FAM171A1: variants seen among roughly 807,000 people sequenced by gnomAD.
FAM171A1 encodes family with sequence similarity 171 member A1.
FAM171A1 carries 23 observed loss-of-function variants against 74.9 expected under a neutral mutation model. That is an observed-to-expected ratio of 0.31 (90% CI 0.22 to 0.44). The LOEUF (loss-of-function observed/expected upper bound fraction) is 0.44. FAM171A1 is among the 20% of genes least tolerant of loss of function. The pLI is 1.00. For synonymous variants in FAM171A1, 527 were observed against 505.7 expected, an observed-to-expected ratio of 1.04 and a Z score of -0.57; for missense variants, 1,162 against 1,159.2, an observed-to-expected ratio of 1.00 and a Z score of -0.03.
chr10:15,220,700 A>G (rs1834026426), intron 6 of FAM171A1, among the ~76,000 whole-genome samples: 1 of 152,090 alleles, frequency 6.6e-6, no homozygotes. Context: ...CAGCTGTCTG[A>G]ACAAAACAGC....
intron 5 of FAM171A1, among the ~76,000 whole-genome samples, chr10:15,230,296 T>C (rs371321507): frequency 6.6e-6 from 1 of 152,370 alleles, no homozygotes; most frequent in East Asian, 1.9e-4. Context: ...GAATTGTTTT[T>C]CCATGAAATA....
chr10:15,270,971 A>G (rs573059899), intron 3 of FAM171A1, among the ~76,000 whole-genome samples: 1 of 152,344 alleles, frequency 6.6e-6, no homozygotes, highest in African/African-American at 2.4e-5. Context: ...CAGAGCGCCT[A>G]TTCTCCTCAA....
chr10:15,274,118 T>C (rs1304615973), intron 3 of FAM171A1, among the ~76,000 whole-genome samples: 2 of 152,200 alleles, frequency 1.3e-5, no homozygotes, highest in East Asian at 1.9e-4. Context: ...GATGACATGA[T>C]TGTATACTTA....
intron 4 of FAM171A1, among the ~76,000 whole-genome samples, chr10:15,249,500 G>A (rs577263483): frequency 1.8e-4 from 28 of 152,294 alleles, no homozygotes; most frequent in African/African-American, 6.0e-4. Flanking sequence ...GGAAATCACC[G>A]GAAATAACTT....
upstream of FAM171A1, among the ~76,000 whole-genome samples, chr10:15,373,987 T>C (rs1836177000): frequency 6.6e-6 from 1 of 152,168 alleles, no homozygotes; most frequent in South Asian, 2.1e-4. Context: ...TTTCCATCTC[T>C]AGTGATAAGT....
At chr10:15,228,766 A>T (rs1353154238) in intron 5 of FAM171A1, among the ~76,000 whole-genome samples, 2 of 152,206 alleles carry the variant, frequency 1.3e-5, no homozygotes, top group African/African-American at 4.8e-5. Flanking sequence ...GATTGACATG[A>T]TCCTAAATGT....
rs373169282 is a variant in FAM171A1, at chr10:15,284,052, C to A, written c.151G>T (p.Asp51Tyr). The change falls in exon 2 of 8, where the codon GAT becomes TAT. Residue 51 changes from aspartate (D) to tyrosine (Y), a missense_variant. Asp to Tyr is a radical substitution (Grantham distance 160). Coordinates refer to ENST00000378116, the MANE Select transcript of FAM171A1 (RefSeq NM_001010924.2). ...SDASTHQPVA[D>Y]ALIEIFTNQA... Reference sequence around the variant, plus strand: ...TTGGTGAAGATCTCGATGAGCGCATCTGCTACGGGCTGGTGGGTGCTGGCG... The same window carrying A: ...TTGGTGAAGATCTCGATGAGCGCATATGCTACGGGCTGGTGGGTGCTGGCG... The A allele has an allele frequency of 4.0e-5, 64 of 1,611,350 alleles. No homozygotes were observed. The African/African-American group carries it at 8.5e-4, about 21-fold the overall frequency.
At chr10:15,328,357 G>C (rs1282105332) in intron 1 of FAM171A1, among the ~76,000 whole-genome samples, 4 of 152,124 alleles carry the variant, frequency 2.6e-5, no homozygotes, top group Admixed American at 6.6e-5. Context: ...TGTTGGGAAG[G>C]CTGGTCTTGG....
intron 3 of FAM171A1, among the ~76,000 whole-genome samples, chr10:15,262,509 C>T (rs1381032280): frequency 3.9e-5 from 6 of 151,998 alleles, no homozygotes; most frequent in East Asian, 1.9e-4. Flanking sequence ...GGTGAAGCTG[C>T]GGGGAAGTTA....
intron 3 of FAM171A1, among the ~76,000 whole-genome samples, chr10:15,257,491 T>A (rs959445707): frequency 6.6e-6 from 1 of 152,084 alleles, no homozygotes; most frequent in Non-Finnish European, 1.5e-5. Context: ...CTCGAGCAGA[T>A]CAAGTGTTAC....
At position 15,220,917 on chromosome 10, in the gene FAM171A1, T is replaced by C; in HGVS notation, c.871+27A>G. The C allele has an allele frequency of 3.2e-6, 5 of 1,559,226 alleles. No homozygotes were observed. The highest frequency in any genetic ancestry group is 4.4e-6 in the Non-Finnish European group (5 of 1,132,168). On this transcript the variant is annotated intron_variant, in intron 6 of 7. Transcript: ENST00000378116. ...CAAAGACCAAAGCAACTGATCCGCA[T>C]CATCGCAAGTGTTGGCTCCGTGTTA...
chr10:15,346,598 G>T (rs916821711), intron 1 of FAM171A1, among the ~76,000 whole-genome samples: 1 of 152,108 alleles, frequency 6.6e-6, no homozygotes, highest in African/African-American at 2.4e-5. Context: ...GAAACAAGCC[G>T]AGGTCCATCT....
intron 5 of FAM171A1, among the ~76,000 whole-genome samples, chr10:15,222,323 T>A (rs12360020): frequency 6.6e-6 from 1 of 152,008 alleles, no homozygotes; most frequent in Non-Finnish European, 1.5e-5. Context: ...GCAAACATCA[T>A]AGAGCGTCCT....
chr10:15,364,655 C>A (rs1423999101), intron 1 of FAM171A1, among the ~76,000 whole-genome samples: 1 of 152,092 alleles, frequency 6.6e-6, no homozygotes, highest in African/African-American at 2.4e-5. Flanking sequence ...GGTCGGAAGT[C>A]CAAAATCAGT....
chr10:15,284,906 A>G (rs1465013985), intron 1 of FAM171A1, among the ~76,000 whole-genome samples: 1 of 152,042 alleles, frequency 6.6e-6, no homozygotes, highest in African/African-American at 2.4e-5. Flanking sequence ...CCCAAAGAGT[A>G]GAACAAGAGA....
chr10:15,294,849 G>A (rs536012270), intron 1 of FAM171A1, among the ~76,000 whole-genome samples: 62 of 152,286 alleles, frequency 4.1e-4, no homozygotes, highest in African/African-American at 1.3e-3. Flanking sequence ...GCTCCCTGTC[G>A]GTATTTGACA....
At chr10:15,341,404 T>C (rs1835762705) in intron 1 of FAM171A1, among the ~76,000 whole-genome samples, 1 of 152,214 alleles carries the variant, frequency 6.6e-6, no homozygotes, top group Admixed American at 6.5e-5. Flanking sequence ...ATGAGCAAAG[T>C]ATAAAATAGA....
intron 5 of FAM171A1, among the ~76,000 whole-genome samples, chr10:15,225,890 G>C (rs1834100346): frequency 6.6e-6 from 1 of 152,200 alleles, no homozygotes; most frequent in Admixed American, 6.5e-5. Context: ...CATCTGCCCA[G>C]AGGGCTCTCC....
intron 1 of FAM171A1, among the ~76,000 whole-genome samples, chr10:15,318,782 C>G (rs1835452383): frequency 6.6e-6 from 1 of 152,158 alleles, no homozygotes; most frequent in Admixed American, 6.5e-5. Context: ...AGCCTGGATA[C>G]TGGAGATGGG....
Sources: gnomAD v4.1 joint callset for allele counts (sites outside exome capture counted in the v4.1 genomes callset) on GRCh38, gnomAD v4.1.1 for gene constraint, MANE v1.5 for transcripts, NCBI Gene and HGNC (gene_info 2026-07-23, HGNC 2026-07-21) for gene names.